The following PRKAR2B variants were observed in gnomAD, a reference collection of about 807,000 sequenced individuals.
PRKAR2B encodes the protein cAMP-dependent protein kinase type II-beta regulatory subunit.
PRKAR2B carries 14 observed loss-of-function variants against 49.9 expected under a neutral mutation model. The ratio of observed to expected loss-of-function variants is 0.28; its 90% confidence interval spans 0.19 to 0.44. The LOEUF (loss-of-function observed/expected upper bound fraction) is 0.44. Among genes scored for constraint, PRKAR2B ranks in the 20% least tolerant of loss-of-function variants. The pLI is 1.00. For missense variants in PRKAR2B, 393 were observed against 537.9 expected (o/e 0.73, Z 2.67); for synonymous variants, 196 against 197.7 (o/e 0.99, Z 0.07).
chr7:107,145,733 ATTTT>A (rs916332834), intron 5 of PRKAR2B, among the ~76,000 whole-genome samples: 2 of 93,436 alleles, frequency 2.1e-5, no homozygotes, highest in African/African-American at 4.7e-5. Flanking sequence ...TCTTCAGATG[ATTTT>A]TTTTTTTTTT....
At chr7:107,149,863 TTTTTGTAACTCAAAGGATAG>T (rs1795951340) in intron 6 of PRKAR2B, among the ~76,000 whole-genome samples, 1 of 152,200 alleles carries the variant, frequency 6.6e-6, no homozygotes, top group Admixed American at 6.5e-5. Flanking sequence ...GTAATTGGAT[TTTTTGTAACTCAAAGGATAG>T]ATGCTTGAGG....
chr7:107,133,820 T>C (rs946735816), intron 4 of PRKAR2B: 2 of 152,146 alleles, frequency 1.3e-5, no homozygotes, highest in Admixed American at 1.3e-4. Context: ...ACATGTAAAA[T>C]TGACAAACAT....
At chr7:107,078,713 G>C (rs1794456293) in intron 2 of PRKAR2B, among the ~76,000 whole-genome samples, 1 of 152,230 alleles carries the variant, frequency 6.6e-6, no homozygotes, top group African/African-American at 2.4e-5. Context: ...GAACCCAGTG[G>C]AATCTGTGGC....
intron 4 of PRKAR2B, among the ~76,000 whole-genome samples, chr7:107,136,631 T>C (rs887574968): frequency 6.6e-6 from 1 of 152,210 alleles, no homozygotes; most frequent in African/African-American, 2.4e-5. Flanking sequence ...TCTATTAGAA[T>C]GGCCAAAATT....
At chr7:107,046,051 C>A (rs1343812384) in intron 1 of PRKAR2B, among the ~76,000 whole-genome samples, 2 of 152,118 alleles carry the variant, frequency 1.3e-5, no homozygotes, top group African/African-American at 4.8e-5. Flanking sequence ...GACAGTAGAG[C>A]TAGAAAGAAT....
intron 4 of PRKAR2B, among the ~76,000 whole-genome samples, chr7:107,130,950 A>AT (rs967857538): frequency 8.5e-5 from 13 of 152,210 alleles, no homozygotes; most frequent in African/African-American, 3.1e-4. Flanking sequence ...AAGCTTTAAT[A>AT]TGCTGATGTA....
intron 5 of PRKAR2B, among the ~76,000 whole-genome samples, chr7:107,141,706 C>T (rs994943292): frequency 9.9e-5 from 15 of 152,044 alleles, no homozygotes; most frequent in African/African-American, 3.6e-4. Context: ...ATAATAATAA[C>T]AATAAATAAA....
At chr7:107,045,593 T>A (rs946022173) in intron 1 of PRKAR2B, among the ~76,000 whole-genome samples, 3 of 152,198 alleles carry the variant, frequency 2.0e-5, no homozygotes, top group Non-Finnish European at 4.4e-5. Flanking sequence ...CTGGCCCGCT[T>A]GGCGTCTTCT....
chr7:107,127,734 A>T (rs1318310744), intron 3 of PRKAR2B, among the ~76,000 whole-genome samples: 1 of 152,256 alleles, frequency 6.6e-6, no homozygotes, highest in East Asian at 1.9e-4. Flanking sequence ...TAAACATTTT[A>T]CTTCTTTCCA....
chr7:107,157,072 A>C (rs780783433), intron 9 of PRKAR2B, 23 bp downstream of exon 9: 1 of 1,608,030 alleles, frequency 6.2e-7, no homozygotes, highest in African/African-American at 1.3e-5. Flanking sequence ...AGTCCTCAGA[A>C]CCCACATACT....
chr7:107,081,827 T>G (rs1487659182), intron 2 of PRKAR2B: 1 of 152,220 alleles, frequency 6.6e-6, no homozygotes, highest in Non-Finnish European at 1.5e-5. Flanking sequence ...AATGATAGTG[T>G]TGTTAGACGT....
chr7:107,079,170 A>T (rs576008719), intron 2 of PRKAR2B, among the ~76,000 whole-genome samples: 180 of 152,328 alleles, frequency 1.2e-3, no homozygotes, highest in Non-Finnish European at 2.0e-3. Flanking sequence ...AGTTTAGGTC[A>T]CTACTTCACC....
At chr7:107,115,189 C>T (rs1444674147) in intron 2 of PRKAR2B, among the ~76,000 whole-genome samples, 1 of 151,878 alleles carries the variant, frequency 6.6e-6, no homozygotes, top group Non-Finnish European at 1.5e-5. Context: ...TCTTAAAGCT[C>T]CATTGATAAC....
intron 4 of PRKAR2B, among the ~76,000 whole-genome samples, chr7:107,139,905 T>C (rs1410443748): frequency 1.3e-5 from 2 of 152,222 alleles, no homozygotes; most frequent in Non-Finnish European, 1.5e-5. Context: ...ATAATAGTAA[T>C]TGATTTTGGC....
rs959887224 is a variant in PRKAR2B at position 107,059,538 on chromosome 7, C to A, written c.308-10743C>A. On this transcript the variant is annotated intron_variant, in intron 1 of 10. Transcript: ENST00000265717. ...TCCATCAACTTGTTTTTGAGAAGGG[C>A]ATTTGAGATGTTACATTGATTCATG... Among the ~76,000 whole-genome samples, 9 of 151,616 alleles carry A rather than the reference C, an allele frequency of 5.9e-5. No homozygotes were observed. The East Asian group carries it at 1.5e-3, about 26-fold the overall frequency.
chr7:107,137,412 A>G (rs569235445), intron 4 of PRKAR2B, among the ~76,000 whole-genome samples: 2 of 152,330 alleles, frequency 1.3e-5, no homozygotes, highest in South Asian at 4.1e-4. Context: ...CTACATGCCT[A>G]CAACAGCAGA....
chr7:107,116,526 A>G (rs986447903), intron 2 of PRKAR2B, among the ~76,000 whole-genome samples: 1 of 152,238 alleles, frequency 6.6e-6, no homozygotes, highest in East Asian at 1.9e-4. Context: ...TATAAAATGT[A>G]TAACAGAAGA....
At chr7:107,070,362 T>TA (rs751988693) in intron 2 of PRKAR2B, 46 bp downstream of exon 2, 3 of 1,455,588 alleles carry the variant, frequency 2.1e-6, no homozygotes, top group Non-Finnish European at 2.9e-6. Flanking sequence ...TGGTGACATT[T>TA]AAAAAATGAT....
chr7:107,120,970 TTAAA>T (rs1365325221), intron 2 of PRKAR2B, among the ~76,000 whole-genome samples: 1 of 150,972 alleles, frequency 6.6e-6, no homozygotes, highest in Non-Finnish European at 1.5e-5. Flanking sequence ...CTTTGTCAAT[TTAAA>T]TAAATAATTT....
Sources: gnomAD v4.1 joint callset for allele counts (sites outside exome capture counted in the v4.1 genomes callset) on GRCh38, gnomAD v4.1.1 for gene constraint, MANE v1.5 for transcripts, NCBI Gene and HGNC (gene_info 2026-07-23, HGNC 2026-07-21) for gene names.